The following STX18 variants were observed in gnomAD, a reference collection of about 807,000 sequenced individuals.
STX18 encodes syntaxin-18.
A neutral mutation model predicts 50.1 loss-of-function variants in STX18; 40 were observed. That is an observed-to-expected ratio of 0.80 (90% CI 0.62 to 1.04). The LOEUF is 1.04. Ranked by LOEUF, STX18 falls within the 50% of genes least tolerant of loss-of-function variation. The probability of loss-of-function intolerance (pLI) is 0.00; values close to 1 mark genes in which losing one functional copy is unlikely to be tolerated. For missense variants in STX18, 410 were observed against 415.8 expected (o/e 0.99, Z 0.12); for synonymous variants, 158 against 151.8 (o/e 1.04, Z -0.30).
At chr4:4,430,042 C>T (rs1285489307) in intron 7 of STX18, among the ~76,000 whole-genome samples, 1 of 152,180 alleles carries the variant, frequency 6.6e-6, no homozygotes, top group Non-Finnish European at 1.5e-5. Flanking sequence ...CTTTGGAAAA[C>T]AATTTGGTTC....
At chr4:4,422,641 G>A (rs1431729722) in intron 9 of STX18, among the ~76,000 whole-genome samples, 2 of 152,056 alleles carry the variant, frequency 1.3e-5, no homozygotes, top group African/African-American at 4.8e-5. Flanking sequence ...GCAAGGCTCT[G>A]CCTATGCTCT....
intron 8 of STX18, among the ~76,000 whole-genome samples, chr4:4,424,314 AGTG>A (rs1725127890): frequency 6.6e-6 from 1 of 152,026 alleles, no homozygotes; most frequent in Non-Finnish European, 1.5e-5. Context: ...GGAGGCAAAA[AGTG>A]GTGGGAGCTG....
Position 4,538,418 on chromosome 4 carries a change from G to A in STX18, c.168+3379C>T, listed in dbSNP as rs570416494. ...ATGCAGACAGTACTTCTGCACCACC[G>A]CTGATTCATCAGTACCTGCTCAGGA... On this transcript the variant is annotated intron_variant, in intron 1 of 10. Coordinates refer to ENST00000306200, the MANE Select transcript of STX18 (RefSeq NM_016930.4). 4.6e-5 allele frequency among the ~76,000 whole-genome samples: 7 copies of A among 152,174 alleles called. No individual in the cohort carries two copies. In the East Asian group the frequency reaches 1.2e-3, roughly 25 times the overall value.
intron 1 of STX18, among the ~76,000 whole-genome samples, chr4:4,484,636 C>G (rs1230069880): frequency 6.6e-6 from 1 of 152,204 alleles, no homozygotes; most frequent in Non-Finnish European, 1.5e-5. Context: ...CACGAACACC[C>G]TAAGGGTCTA....
At chr4:4,539,291 G>C (rs764381343) in intron 1 of STX18, among the ~76,000 whole-genome samples, 3 of 152,176 alleles carry the variant, frequency 2.0e-5, no homozygotes, top group Non-Finnish European at 4.4e-5. Context: ...CTGACAACCA[G>C]GGCTAAACCT....
chr4:4,509,304 A>T (rs1729881714), intron 1 of STX18, among the ~76,000 whole-genome samples: 1 of 152,074 alleles, frequency 6.6e-6, no homozygotes, highest in South Asian at 2.1e-4. Context: ...GCATTTCTCT[A>T]ATGATCAGTG....
intron 1 of STX18, among the ~76,000 whole-genome samples, chr4:4,508,372 G>C (rs996331727): frequency 6.6e-6 from 1 of 151,994 alleles, no homozygotes; most frequent in Non-Finnish European, 1.5e-5. Context: ...TTTCACTTGA[G>C]AGGATCCCAA....
At position 4,457,430 on chromosome 4, in the gene STX18, G is replaced by A. The variant is rs767305451; in HGVS notation, c.423C>T (p.Tyr141=). ...RTAVLDFIED[Y]LKRVCKLYSE... is the part of the protein sequence containing the mutation. Reference sequence around the variant, plus strand: ...TAAAAGAAAATGAAATACTTTTCAAGTAATCTTCAATGAAATCCAAAACAG... The same window carrying A: ...TAAAAGAAAATGAAATACTTTTCAAATAATCTTCAATGAAATCCAAAACAG... Residue 141 remains tyrosine, a synonymous_variant, in exon 4 of 11, where the codon TAC becomes TAT. Coordinates refer to ENST00000306200, the MANE Select transcript of STX18 (RefSeq NM_016930.4). 1.2e-6 allele frequency: 2 copies of A among 1,612,932 alleles called. No individual in the cohort carries two copies. Among genetic ancestry groups the A allele is most frequent in the Non-Finnish European group, 1.7e-6 (2 of 1,179,194 alleles).
chr4:4,473,588 C>T (rs1018761524), intron 1 of STX18, among the ~76,000 whole-genome samples: 2 of 152,070 alleles, frequency 1.3e-5, no homozygotes, highest in African/African-American at 4.8e-5. Flanking sequence ...CCACCGCGCC[C>T]GGTCGGAAAT....
chr4:4,473,191 G>A (rs1023532999), intron 1 of STX18, among the ~76,000 whole-genome samples: 1 of 152,082 alleles, frequency 6.6e-6, no homozygotes, highest in Non-Finnish European at 1.5e-5. Flanking sequence ...AAAAGCTCAG[G>A]ACTGAGTCCA....
chr4:4,522,353 T>C (rs910239822), intron 1 of STX18, among the ~76,000 whole-genome samples: 32 of 152,190 alleles, frequency 2.1e-4, no homozygotes, highest in African/African-American at 7.7e-4. Flanking sequence ...AATGGAGTAA[T>C]AGACTATACA....
At chr4:4,454,332 G>T (rs1207865467) in intron 5 of STX18, among the ~76,000 whole-genome samples, 1 of 152,160 alleles carries the variant, frequency 6.6e-6, no homozygotes, top group Non-Finnish European at 1.5e-5. Context: ...GCTATACTTC[G>T]CTGTCTAAAT....
chr4:4,448,982 C>CA (rs1191759609), intron 5 of STX18, among the ~76,000 whole-genome samples: 2 of 147,240 alleles, frequency 1.4e-5, no homozygotes, highest in Non-Finnish European at 3.0e-5. Flanking sequence ...AGCAGTAGAC[C>CA]AAAAAAAAAG....
rs1279340502 is a variant in STX18 at position 4,507,235 on chromosome 4, C to T, written c.168+34562G>A. On this transcript the variant is annotated intron_variant, in intron 1 of 10. Transcript: ENST00000306200. ...CCATGCAATTATGAGGGTAAACAAC[C>T]CATACTTTACAGTGTACTATAAAGA... 6.2e-6 allele frequency: 4 copies of T among 649,256 alleles called. No homozygotes were observed. The Admixed American group carries it at 7.8e-5, about 13-fold the overall frequency. The allele number at this position is 649,256 out of a possible 1,614,324, so 40.2% of individuals were successfully genotyped here. A position where few individuals can be genotyped will look rare whatever the true frequency, so the allele number is the denominator to read the frequency against.
chr4:4,472,596 C>T (rs558778245), intron 1 of STX18, among the ~76,000 whole-genome samples: 3 of 152,344 alleles, frequency 2.0e-5, no homozygotes, highest in East Asian at 1.9e-4. Context: ...TTTCACTTTG[C>T]TCTGATCTTA....
chr4:4,422,542 C>T (rs947933988), intron 9 of STX18, among the ~76,000 whole-genome samples: 1 of 149,342 alleles, frequency 6.7e-6, no homozygotes, highest in African/African-American at 2.5e-5. Flanking sequence ...GCACTCCAGC[C>T]TGGGCGACAC....
In STX18 at chr4:4,420,354, T is replaced by A. The variant is rs1241475344; in HGVS notation, c.913-225A>T. The A allele has an allele frequency of 7.6e-6, 4 of 527,846 alleles. No homozygotes were observed. In the East Asian group the frequency reaches 1.3e-4, roughly 17 times the overall value. The allele number at this position is 527,846 out of a possible 1,614,324, so 32.7% of individuals were successfully genotyped here. On this transcript the variant is annotated intron_variant, in intron 10 of 10. Transcript: ENST00000306200. The surrounding 1 kb of genome is among the most constrained non-coding windows in gnomAD (Gnocchi z 4.3). ...CATTTGGGTCCTGCACAATTCTCCCTCAACACAACTCTCGGAATCACTCCC... is the reference window on the plus strand; with the variant it reads ...CATTTGGGTCCTGCACAATTCTCCCACAACACAACTCTCGGAATCACTCCC...
chr4:4,471,794 T>C (rs865972375), intron 1 of STX18, 88 bp from the exon 2 acceptor site: 53 of 989,460 alleles, frequency 5.4e-5, no homozygotes, highest in Middle Eastern at 2.6e-4. Context: ...AAAATGCAAA[T>C]TGCAGAAAGA....
intron 1 of STX18, among the ~76,000 whole-genome samples, chr4:4,517,767 G>GT (rs921673854): frequency 2.0e-4 from 29 of 146,882 alleles, no homozygotes; most frequent in Middle Eastern, 3.5e-3. Flanking sequence ...CTTTATAAGT[G>GT]TTTTTTTTTT....
Sources: gnomAD v4.1 joint callset for allele counts (sites outside exome capture counted in the v4.1 genomes callset) on GRCh38, gnomAD v4.1.1 for gene constraint, Gnocchi (gnomAD v3.1) non-coding constraint, MANE v1.5 for transcripts, NCBI Gene and HGNC (gene_info 2026-07-23, HGNC 2026-07-21) for gene names.